The following RRM1 variants were observed in gnomAD, a reference collection of about 807,000 sequenced individuals.
The protein encoded by RRM1 is ribonucleotide reductase catalytic subunit M1.
RRM1 carries 19 observed loss-of-function variants against 101.5 expected under a neutral mutation model. The ratio of observed to expected loss-of-function variants is 0.19; its 90% confidence interval spans 0.13 to 0.27. RRM1 has a LOEUF of 0.27. Among genes scored for constraint, RRM1 ranks in the 10% least tolerant of loss-of-function variants. The probability of loss-of-function intolerance (pLI) is 1.00; values close to 1 mark genes in which losing one functional copy is unlikely to be tolerated. For synonymous variants in RRM1, 298 were observed against 323.4 expected (o/e 0.92, Z 0.84); for missense variants, 500 against 962.9 (o/e 0.52, Z 6.36).
chr11:4,107,631 A>G, intron 4 of RRM1, 96 bp downstream of exon 4: 1 of 715,552 alleles, frequency 1.4e-6, no homozygotes, highest in Non-Finnish European at 2.5e-6. Flanking sequence ...GATACAGGTA[A>G]ATACTAATTC....
chr11:4,115,507 C>CAAA (rs1217828429), intron 7 of RRM1, among the ~76,000 whole-genome samples: 1 of 105,230 alleles, frequency 9.5e-6, no homozygotes, highest in Non-Finnish European at 2.1e-5. Flanking sequence ...GGGAGCACTC[C>CAAA]AAAAAAAAAA....
Position 4,132,456 on chromosome 11 carries a change from T to C in RRM1, c.1905+35T>C, listed in dbSNP as rs763399348. The C allele has an allele frequency of 6.2e-7, 1 of 1,610,174 alleles. No homozygotes were observed. Among genetic ancestry groups the C allele is most frequent in the East Asian group, 2.2e-5 (1 of 44,822 alleles). On this transcript the variant is annotated intron_variant, in intron 16 of 18. Transcript: ENST00000300738. The surrounding 1 kb of genome is among the most constrained non-coding windows in gnomAD (Gnocchi z 4.1). ...TCACAACCAGCCTTACAGGGAGATCTTTCAAAAGCCTGATGTTGGGAGTAA... is the reference window on the plus strand; with the variant it reads ...TCACAACCAGCCTTACAGGGAGATCCTTCAAAAGCCTGATGTTGGGAGTAA...
Position 4,127,119 on chromosome 11 carries a change from T to A in RRM1, c.1555T>A (p.Phe519Ile). 1 of 1,614,072 alleles carries A rather than the reference T, an allele frequency of 6.2e-7. No individual in the cohort carries two copies. The highest frequency in any genetic ancestry group is 2.2e-5 in the East Asian group (1 of 44,878). ...ADAFILMRYPFESAEAQLLNK... is the reference protein window; with the variant it reads ...ADAFILMRYPIESAEAQLLNK... Reference sequence around the variant, plus strand: ...TGCTTTTATCCTGATGAGATACCCTTTTGAGAGTGCAGAAGCCCAGTTACT... The same window carrying A: ...TGCTTTTATCCTGATGAGATACCCTATTGAGAGTGCAGAAGCCCAGTTACT... The change falls in exon 14 of 19, where the codon TTT (phenylalanine) becomes ATT (isoleucine). Residue 519 changes from phenylalanine to isoleucine, a missense_variant. Transcript: ENST00000300738.
rs1439829494 is a variant in RRM1, at chr11:4,094,885, C to T, written c.-128C>T. 55 of 969,770 alleles carry T rather than the reference C, an allele frequency of 5.7e-5. No homozygotes were observed. The highest frequency in any genetic ancestry group is 3.2e-5 in the Non-Finnish European group (20 of 620,360). 60.1% of individuals were successfully genotyped at this position (969,770 alleles called of 1,614,324 possible). On this transcript the variant is annotated 5_prime_UTR_variant, in exon 1 of 19. Transcript: ENST00000300738. ...TGAAGAAAGTGCTGTCTGGCTCCAA[C>T]TCCAGTTCTTTCCCCTGAGCAGCGC...
At position 4,111,660 on chromosome 11, in the gene RRM1, G is replaced by C. The variant is rs768662668; in HGVS notation, c.487+20G>C. 24 of 1,580,828 alleles carry C rather than the reference G, an allele frequency of 1.5e-5. No individual in the cohort carries two copies. Among genetic ancestry groups the C allele is most frequent in the Non-Finnish European group, 2.1e-5 (24 of 1,153,766 alleles). ...GAAAAGGTGAGAAATGAACATGTTT[G>C]TCTGTTACATTTTCTACTCATTATA... On this transcript the variant is annotated intron_variant, in intron 6 of 18. Transcript: ENST00000300738.
intron 3 of RRM1, among the ~76,000 whole-genome samples, chr11:4,106,562 C>T (rs553848689): frequency 5.3e-5 from 8 of 152,254 alleles, no homozygotes; most frequent in African/African-American, 1.7e-4. Flanking sequence ...GCCTGGCCAA[C>T]ATGGCGAAAC....
chr11:4,100,956 G>A (rs2094550079), intron 1 of RRM1, among the ~76,000 whole-genome samples: 1 of 152,122 alleles, frequency 6.6e-6, no homozygotes, highest in Non-Finnish European at 1.5e-5. Flanking sequence ...ACTATTTGAG[G>A]TTAAACTAAG....
intron 2 of RRM1, chr11:4,105,469 G>A (rs1237411274): frequency 2.1e-5 from 7 of 338,778 alleles, no homozygotes; most frequent in East Asian, 2.0e-4. Flanking sequence ...GGGCTCAAGC[G>A]AGCCTCCTAC....
intron 5 of RRM1, among the ~76,000 whole-genome samples, chr11:4,111,141 G>A (rs2094564868): frequency 6.6e-6 from 1 of 152,042 alleles, no homozygotes; most frequent in East Asian, 1.9e-4. Context: ...ACCAGCCTGG[G>A]CAACACAGGG....
rs573864392 is a variant in RRM1, at chr11:4,101,398, C to T, written c.20-595C>T. On this transcript the variant is annotated intron_variant, in intron 1 of 18. Coordinates refer to ENST00000300738, the MANE Select transcript of RRM1 (RefSeq NM_001033.5). Reference sequence around the variant, plus strand: ...CGTGATCTCAGCTCACTGCAACCTCCGCCTCCTGGGTTCAAACAATTCTCC... The same window carrying T: ...CGTGATCTCAGCTCACTGCAACCTCTGCCTCCTGGGTTCAAACAATTCTCC... 8.5e-4 allele frequency among the ~76,000 whole-genome samples: 129 copies of T among 151,910 alleles called. 1 individual carries two copies. Among genetic ancestry groups the T allele is most frequent in the Non-Finnish European group, 1.4e-3 (97 of 67,942 alleles).
chr11:4,122,171 C>T lies in RRM1; in HGVS notation c.1069C>T (p.Pro357Ser). 6.2e-7 allele frequency: 1 copy of T among 1,613,466 alleles called. No homozygotes were observed. Among genetic ancestry groups the T allele is most frequent in the Non-Finnish European group, 8.5e-7 (1 of 1,179,614 alleles). ...GTCTTTGATGTGTCCAAATGAGTGT[C>T]CTGGTCTGGATGAGGTTTGGGGAGA... ...DWSLMCPNEC[P>S]GLDEVWGEEF... The change falls in exon 11 of 19, where the codon CCT becomes TCT. Residue 357 changes from proline (P) to serine (S), a missense_variant. Around this residue, in one of 9 missense-constraint regions of RRM1, gnomAD observed 80 missense variants for 170.9 expected, o/e 0.47. Transcript: ENST00000300738.
chr11:4,104,913 T>A (rs1223247109), intron 2 of RRM1, among the ~76,000 whole-genome samples: 2 of 152,194 alleles, frequency 1.3e-5, no homozygotes, highest in Admixed American at 6.5e-5. Context: ...ATGTGGAATT[T>A]GGGAAAAGTA....
intron 15 of RRM1, among the ~76,000 whole-genome samples, chr11:4,129,556 A>G (rs1317001509): frequency 2.6e-5 from 4 of 151,802 alleles, no homozygotes; most frequent in African/African-American, 7.3e-5. Context: ...ATTGATTGTC[A>G]TAGGAATAAT....
chr11:4,129,006 G>A (rs2094594398), intron 14 of RRM1, 68 bp from the exon 15 acceptor site: 13 of 810,276 alleles, frequency 1.6e-5, no homozygotes. Flanking sequence ...AGTCATTTGT[G>A]GGTTTTTTTT....
At chr11:4,110,151 TAA>T (rs370948665) in intron 5 of RRM1, among the ~76,000 whole-genome samples, 3 of 151,722 alleles carry the variant, frequency 2.0e-5, no homozygotes, top group Admixed American at 1.3e-4. Context: ...CAAATTTAAT[TAA>T]AAAAAAATTT....
chr11:4,107,050 C>T (rs1029351004), intron 3 of RRM1, among the ~76,000 whole-genome samples: 4 of 152,048 alleles, frequency 2.6e-5, no homozygotes, highest in Admixed American at 6.6e-5. Flanking sequence ...CCCATCACCA[C>T]GCCCGGCTAA....
chr11:4,126,326 G>A (rs1051429028), intron 12 of RRM1, among the ~76,000 whole-genome samples: 1 of 152,178 alleles, frequency 6.6e-6, no homozygotes, highest in Non-Finnish European at 1.5e-5. Context: ...GTAGCCAGTG[G>A]CTACCATATT....
chr11:4,113,709 C>T (rs931922287), intron 7 of RRM1, among the ~76,000 whole-genome samples: 1 of 152,178 alleles, frequency 6.6e-6, no homozygotes, highest in Admixed American at 6.5e-5. Flanking sequence ...TATGGCATGG[C>T]CTGTTGCTGC....
chr11:4,097,249 A>T (rs1476222773), intron 1 of RRM1, among the ~76,000 whole-genome samples: 1 of 139,982 alleles, frequency 7.1e-6, no homozygotes. Context: ...ATTGCACTCC[A>T]GTCTAGGCGA....
Sources: allele counts gnomAD v4.1 joint callset (sites outside exome capture counted in the v4.1 genomes callset), GRCh38; gene constraint gnomAD v4.1.1; regional missense constraint gnomAD v4.1.1; non-coding constraint Gnocchi (gnomAD v3.1); transcripts MANE v1.5; gene names NCBI Gene and HGNC (gene_info 2026-07-23, HGNC 2026-07-21).